TMEM178B: variants seen among roughly 807,000 people sequenced by gnomAD.
The protein encoded by TMEM178B is transmembrane protein 178B.
Under a neutral mutation model 31.0 loss-of-function variants are expected in TMEM178B, and 5 were observed. That is an observed-to-expected ratio of 0.16 (90% CI 0.08 to 0.34). TMEM178B has a LOEUF of 0.34. Ranked by LOEUF, TMEM178B falls within the 10% of genes least tolerant of loss-of-function variation. The pLI is 1.00. For missense variants in TMEM178B, 275 were observed against 400.3 expected (o/e 0.69, Z 2.67); for synonymous variants, 164 against 164.0 (o/e 1.00, Z 0.00).
intron 1 of TMEM178B, among the ~76,000 whole-genome samples, chr7:141,099,374 C>T (rs1029890230): frequency 3.9e-5 from 6 of 152,122 alleles, no homozygotes; most frequent in Non-Finnish European, 7.3e-5. Flanking sequence ...TGTGGCCACA[C>T]GTTCCTTTTA....
intron 3 of TMEM178B, among the ~76,000 whole-genome samples, chr7:141,470,321 A>C (rs191776049): frequency 3.3e-5 from 5 of 152,164 alleles, no homozygotes; most frequent in African/African-American, 1.2e-4. Context: ...ATTATTGGAG[A>C]GTGATGAAGT....
intron 1 of TMEM178B, among the ~76,000 whole-genome samples, chr7:141,170,226 A>G (rs1161262712): frequency 1.3e-5 from 2 of 152,108 alleles, no homozygotes; most frequent in African/African-American, 2.4e-5. Flanking sequence ...ATTGTTATTC[A>G]TATGTTTGTA....
chr7:141,081,701 A>T (rs801160), intron 1 of TMEM178B, among the ~76,000 whole-genome samples: 1,530 of 152,312 alleles, frequency 0.01, 25 homozygotes, highest in African/African-American at 0.035. Context: ...AGAATTAAAA[A>T]GTATATAAAG....
chr7:141,164,914 C>A (rs568578235), intron 1 of TMEM178B, among the ~76,000 whole-genome samples: 3 of 152,136 alleles, frequency 2.0e-5, no homozygotes, highest in Admixed American at 6.5e-5. Flanking sequence ...TCCAGCATCA[C>A]CATCATTTAA....
chr7:141,447,769 C>G (rs1801787258), intron 3 of TMEM178B, among the ~76,000 whole-genome samples: 1 of 152,110 alleles, frequency 6.6e-6, no homozygotes, highest in African/African-American at 2.4e-5. Context: ...GTTGCAGGGG[C>G]AGCCGCACCA....
At chr7:141,217,044 G>A (rs6971724) in intron 2 of TMEM178B, among the ~76,000 whole-genome samples, 17,216 of 152,186 alleles carry the variant, frequency 0.11, 3,078 homozygotes, top group African/African-American at 0.38. Context: ...TCTGGTTTAC[G>A]TTTTAAATAT....
chr7:141,290,283 G>A lies in TMEM178B; in HGVS notation c.496+77579G>A, dbSNP rs217016. Among the ~76,000 whole-genome samples, 70 of 152,262 alleles carry A rather than the reference G, an allele frequency of 4.6e-4. 1 individual carries two copies. Among genetic ancestry groups the A allele is most frequent in the South Asian group, 3.5e-3 (17 of 4,830 alleles). On this transcript the variant is annotated intron_variant, in intron 2 of 3. Coordinates refer to ENST00000565468, the MANE Select transcript of TMEM178B (RefSeq NM_001195278.2). The stretch of plus-strand genomic sequence containing the variant: ...CCCCAATTCAAACAGCTGTGCTGGG[G>A]TGAAGTGTGAATGGTCACTTAGAAC...
At chr7:141,127,396 G>C (rs1177662476) in intron 1 of TMEM178B, among the ~76,000 whole-genome samples, 1 of 152,180 alleles carries the variant, frequency 6.6e-6, no homozygotes, top group Non-Finnish European at 1.5e-5. Flanking sequence ...ATGTAATTAA[G>C]GATTTCATGA....
intron 1 of TMEM178B, among the ~76,000 whole-genome samples, chr7:141,170,184 G>C (rs1289521153): frequency 1.3e-5 from 2 of 152,122 alleles, no homozygotes; most frequent in Non-Finnish European, 2.9e-5. Flanking sequence ...CAAAGACTGG[G>C]CATTTTCATG....
intron 2 of TMEM178B, among the ~76,000 whole-genome samples, chr7:141,322,420 A>T (rs1799116810): frequency 6.6e-6 from 1 of 151,866 alleles, no homozygotes. Context: ...AGTCAGTCCC[A>T]GCTACTTGGG....
chr7:141,105,370 G>A (rs2129174378), intron 1 of TMEM178B, among the ~76,000 whole-genome samples: 1 of 152,112 alleles, frequency 6.6e-6, no homozygotes, highest in East Asian at 1.9e-4. Flanking sequence ...TAGCTGGCGT[G>A]GTGTTGTGTG....
chr7:141,359,589 G>T (rs1563161393), intron 2 of TMEM178B, among the ~76,000 whole-genome samples: 1 of 152,144 alleles, frequency 6.6e-6, no homozygotes, highest in Non-Finnish European at 1.5e-5. Flanking sequence ...CTTATTACAG[G>T]CTCGATCAGC....
chr7:141,352,127 G>A (rs1389591225), intron 2 of TMEM178B: 1 of 152,556 alleles, frequency 6.6e-6, no homozygotes, highest in Non-Finnish European at 1.5e-5. Flanking sequence ...AGCATGTGAA[G>A]AAGGTATTAC....
At chr7:141,280,413 AC>A (rs2116397070) in intron 2 of TMEM178B, among the ~76,000 whole-genome samples, 1 of 152,218 alleles carries the variant, frequency 6.6e-6, no homozygotes, top group East Asian at 1.9e-4. Context: ...TTTCCCCCAT[AC>A]TGTTCTCGTG....
chr7:141,406,310 G>A (rs756344409), intron 2 of TMEM178B, among the ~76,000 whole-genome samples: 4 of 152,114 alleles, frequency 2.6e-5, no homozygotes, highest in Non-Finnish European at 5.9e-5. Context: ...TGAGTGTGAG[G>A]AAGTTCCTGC....
chr7:141,393,748 T>TA (rs1800587907), intron 2 of TMEM178B, among the ~76,000 whole-genome samples: 2 of 152,208 alleles, frequency 1.3e-5, no homozygotes, highest in Non-Finnish European at 2.9e-5. Context: ...TTATCACAGA[T>TA]CATACCCTTG....
At chr7:141,493,375 C>T in the TMEM178B span, among the ~76,000 whole-genome samples, 1 of 152,232 alleles carries the variant, frequency 6.6e-6, no homozygotes, top group African/African-American at 2.4e-5. Flanking sequence ...GTTGGAACAG[C>T]AGAAATGCAA....
chr7:141,313,179 C>T (rs1214572912), intron 2 of TMEM178B, among the ~76,000 whole-genome samples: 1 of 152,200 alleles, frequency 6.6e-6, no homozygotes, highest in Non-Finnish European at 1.5e-5. Flanking sequence ...AGTGAAACAG[C>T]ATCACTTGTC....
At chr7:141,261,160 A>G (rs1798005756) in intron 2 of TMEM178B, among the ~76,000 whole-genome samples, 1 of 152,186 alleles carries the variant, frequency 6.6e-6, no homozygotes, top group South Asian at 2.1e-4. Flanking sequence ...TGGAGGCTTA[A>G]TTTCTGCATA....
Sources: gnomAD v4.1 joint callset for allele counts (sites outside exome capture counted in the v4.1 genomes callset) on GRCh38, gnomAD v4.1.1 for gene constraint, MANE v1.5 for transcripts, NCBI Gene and HGNC (gene_info 2026-07-23, HGNC 2026-07-21) for gene names.